ARID4A: variants seen among roughly 807,000 people sequenced by gnomAD.
ARID4A encodes the protein AT-rich interactive domain-containing protein 4A.
ARID4A carries 39 observed loss-of-function variants against 148.6 expected under a neutral mutation model. That is an observed-to-expected ratio of 0.26 (90% confidence interval 0.20 to 0.34). The LOEUF is 0.34. Ranked by LOEUF, ARID4A falls within the 10% of genes least tolerant of loss-of-function variation. The probability of loss-of-function intolerance (pLI) is 1.00; values close to 1 mark genes in which losing one functional copy is unlikely to be tolerated. For synonymous variants in ARID4A, 475 were observed against 481.2 expected (o/e 0.99, Z 0.17); for missense variants, 1,265 against 1,449.1 (o/e 0.87, Z 2.06).
intron 11 of ARID4A, among the ~76,000 whole-genome samples, chr14:58,334,188 CTT>C (rs1214434309): frequency 1.3e-5 from 2 of 152,126 alleles, no homozygotes; most frequent in Non-Finnish European, 2.9e-5. Flanking sequence ...TAAGAAAACA[CTT>C]TTATATCAAT....
chr14:58,351,553 A>G, intron 16 of ARID4A: 1 of 404,614 alleles, frequency 2.5e-6, no homozygotes, highest in Non-Finnish European at 4.3e-6. Flanking sequence ...AGTGGCCTCA[A>G]AGAAGGCTGC....
At chr14:58,340,674 G>A (rs557928198) in intron 11 of ARID4A, among the ~76,000 whole-genome samples, 1 of 151,258 alleles carries the variant, frequency 6.6e-6, no homozygotes, top group Non-Finnish European at 1.5e-5. Flanking sequence ...TAGTAGAGAC[G>A]GGACTTCACC....
chr14:58,333,055 A>G (rs1221599441), intron 11 of ARID4A, among the ~76,000 whole-genome samples: 1 of 152,090 alleles, frequency 6.6e-6, no homozygotes, highest in Non-Finnish European at 1.5e-5. Context: ...TTTCCACTTA[A>G]TATTAATTTG....
intron 8 of ARID4A, among the ~76,000 whole-genome samples, chr14:58,326,486 A>G (rs2140183101): frequency 6.6e-6 from 1 of 152,328 alleles, no homozygotes. Flanking sequence ...TGCTCTGGGA[A>G]TCCATTTTGG....
chr14:58,346,792 G>T (rs1478950925), intron 13 of ARID4A, among the ~76,000 whole-genome samples: 1 of 150,978 alleles, frequency 6.6e-6, no homozygotes, highest in African/African-American at 2.4e-5. Flanking sequence ...GCCAGGCATG[G>T]TGTCGCATGC....
At chr14:58,307,327 T>C (rs2031683597) in intron 5 of ARID4A, among the ~76,000 whole-genome samples, 1 of 152,244 alleles carries the variant, frequency 6.6e-6, no homozygotes, top group African/African-American at 2.4e-5. Flanking sequence ...TGAAGAACTA[T>C]GCTTTGGTTA....
intron 23 of ARID4A, among the ~76,000 whole-genome samples, chr14:58,370,409 G>C (rs1194811120): frequency 2.0e-5 from 3 of 152,066 alleles, no homozygotes; most frequent in African/African-American, 7.2e-5. Flanking sequence ...CCATTTTCCT[G>C]CCTCAGCCTC....
rs769374527 is a variant in ARID4A, at chr14:58,299,811, G to T, written c.-44G>T. 6.2e-7 allele frequency: 1 copy of T among 1,614,170 alleles called. No individual in the cohort carries two copies. Among genetic ancestry groups the T allele is most frequent in the Non-Finnish European group, 8.5e-7 (1 of 1,180,008 alleles). ...CCCTCCCCATAGTTCTAGCGACTGC[G>T]AAGATAGCTCGCTGAGCTGGAACCC... On this transcript the variant is annotated 5_prime_UTR_variant, in exon 2 of 24. Coordinates refer to ENST00000355431, the MANE Select transcript of ARID4A (RefSeq NM_002892.4).
At position 58,340,190 on chromosome 14, in the gene ARID4A, A is replaced by G. The variant is rs374502538; in HGVS notation, c.907-4505A>G. On this transcript the variant is annotated intron_variant, in intron 11 of 23. Coordinates refer to ENST00000355431, the MANE Select transcript of ARID4A (RefSeq NM_002892.4). The stretch of plus-strand genomic sequence containing the variant: ...GGGATAAGGTGAATGCCAGCAAGTC[A>G]TGGGCCATAACCACCTGTGTCTTTT... 2.6e-5 allele frequency among the ~76,000 whole-genome samples: 4 copies of G among 152,260 alleles called. 1 individual carries two copies.
chr14:58,318,775 C>T lies in ARID4A; in HGVS notation c.419C>T (p.Thr140Met), dbSNP rs202087993. The change falls in exon 7 of 24, where the codon ACG (threonine) becomes ATG (methionine). Residue 140 changes from threonine (T) to methionine (M), a missense_variant. Physicochemically the swap from Thr to Met is moderately conservative, Grantham distance 81. Transcript: ENST00000355431. ...HFGTPVIAKK[T>M]NRGRRSSLPV... ...GGAACTCCAGTAATTGCAAAGAAGA[C>T]GAACAGAGGAAGGAGATCTTCTCTT... 9.9e-6 allele frequency: 16 copies of T among 1,613,790 alleles called. No individual in the cohort carries two copies. Among genetic ancestry groups the T allele is most frequent in the Admixed American group, 5.0e-5 (3 of 60,022 alleles).
Position 58,364,434 on chromosome 14 carries a change from T to G in ARID4A, c.2345T>G (p.Val782Gly). 1 of 1,613,194 alleles carries G rather than the reference T, an allele frequency of 6.2e-7. No homozygotes were observed. Among genetic ancestry groups the G allele is most frequent in the Non-Finnish European group, 8.5e-7 (1 of 1,179,846 alleles). Reference protein sequence around the residue: ...FGNKMEKTEEVKKEAEKSPKG... With the variant: ...FGNKMEKTEEGKKEAEKSPKG... ...AACAAAATGGAAAAAACAGAAGAAG[T>G]TAAGAAAGAAGCCGAAAAATCTCCA... Residue 782 changes from valine to glycine, a missense_variant, in exon 20 of 24, where the codon GTT (valine) becomes GGT (glycine). By Grantham distance (109) the Val-to-Gly change is moderately radical. Coordinates refer to ENST00000355431, the MANE Select transcript of ARID4A (RefSeq NM_002892.4).
Position 58,365,203 on chromosome 14 carries a change from A to G in ARID4A, c.3114A>G (p.Glu1038=). ...EVDSIAEESQ[E]GLCERESANG... ...ATAGTATTGCTGAAGAATCTCAAGA[A>G]GGTCTCTGTGAGAGGGAATCGGCAA... is the stretch of plus-strand genomic sequence containing the variant. The change falls in exon 20 of 24, where the codon GAA becomes GAG. Residue 1038 remains glutamate, a synonymous_variant. Coordinates refer to ENST00000355431, the MANE Select transcript of ARID4A (RefSeq NM_002892.4). 1 of 1,614,168 alleles carries G rather than the reference A, an allele frequency of 6.2e-7. No individual in the cohort carries two copies. The highest frequency in any genetic ancestry group is 1.3e-5 in the African/African-American group (1 of 75,052).
chr14:58,312,699 C>T (rs1951202), intron 5 of ARID4A, among the ~76,000 whole-genome samples: 109,996 of 152,034 alleles, frequency 0.72, 40,285 homozygotes, highest in Middle Eastern at 0.87. Flanking sequence ...ACTTCTTTCT[C>T]AGACTTCATT....
intron 7 of ARID4A, among the ~76,000 whole-genome samples, chr14:58,321,710 G>A (rs1215088750): frequency 6.6e-6 from 1 of 151,890 alleles, no homozygotes; most frequent in African/African-American, 2.4e-5. Flanking sequence ...CTGCAAACCA[G>A]AAAATAATAA....
rs569830676 is a variant in ARID4A at position 58,321,719 on chromosome 14, A to G, written c.450-1766A>G. ...CCTAAGCTGCAAACCAGAAAATAAT[A>G]AAAGACCTCCGAGGACCCTAAATGG... On this transcript the variant is annotated intron_variant, in intron 7 of 23. Coordinates refer to ENST00000355431, the MANE Select transcript of ARID4A (RefSeq NM_002892.4). Among the ~76,000 whole-genome samples, 75 of 152,272 alleles carry G rather than the reference A, an allele frequency of 4.9e-4. 1 individual carries two copies. The highest frequency in any genetic ancestry group is 1.3e-3 in the Admixed American group (20 of 15,278).
chr14:58,346,612 T>C, intron 13 of ARID4A, 107 bp downstream of exon 13: 1 of 727,186 alleles, frequency 1.4e-6, no homozygotes, highest in Non-Finnish European at 2.2e-6. Context: ...ATTTTCTTAA[T>C]GAACATAGAA....
intron 4 of ARID4A, 39 bp from the exon 5 acceptor site, chr14:58,305,983 G>T (rs762822983): frequency 6.0e-5 from 90 of 1,495,824 alleles, no homozygotes; most frequent in Non-Finnish European, 7.3e-5. Flanking sequence ...TGGTTTATTT[G>T]TTTAAATTTG....
At chr14:58,354,809 G>T (rs1320033210) in intron 17 of ARID4A, among the ~76,000 whole-genome samples, 1 of 152,144 alleles carries the variant, frequency 6.6e-6, no homozygotes, top group South Asian at 2.1e-4. Context: ...TTAGACCAAG[G>T]TAACATTATA....
chr14:58,333,538 A>T (rs969073508), intron 11 of ARID4A, among the ~76,000 whole-genome samples: 1 of 152,098 alleles, frequency 6.6e-6, no homozygotes, highest in African/African-American at 2.4e-5. Flanking sequence ...TTTCCTATTT[A>T]GTAATGAAAA....
Sources: gnomAD v4.1 joint callset for allele counts (sites outside exome capture counted in the v4.1 genomes callset) on GRCh38, gnomAD v4.1.1 for gene constraint, MANE v1.5 for transcripts, NCBI Gene and HGNC (gene_info 2026-07-23, HGNC 2026-07-21) for gene names.